Variants in MIS18BP1 observed in about 807,000 individuals in gnomAD.
MIS18BP1 encodes MIS18 binding protein 1, also known as mis18-binding protein 1.
MIS18BP1 carries 72 observed loss-of-function variants against 116.1 expected under a neutral mutation model. That is an observed-to-expected ratio of 0.62 (90% CI 0.51 to 0.75). The LOEUF (loss-of-function observed/expected upper bound fraction) is 0.75. Among genes scored for constraint, MIS18BP1 ranks in the 30% least tolerant of loss-of-function variants. MIS18BP1 has a pLI of 0.00. For missense variants in MIS18BP1, 1,363 were observed against 1,303.2 expected (o/e 1.05, Z -0.71); for synonymous variants, 386 against 427.0 (o/e 0.90, Z 1.18).
intron 13 of MIS18BP1, among the ~76,000 whole-genome samples, chr14:45,215,439 T>C (rs562178254): frequency 1.3e-4 from 20 of 152,344 alleles, no homozygotes; most frequent in African/African-American, 4.6e-4. Flanking sequence ...TAATTTTTTT[T>C]TCTCTTTTTG....
In MIS18BP1 at chr14:45,246,883, C is replaced by A. The variant is rs770048189; in HGVS notation, c.404G>T (p.Ser135Ile). 6 of 1,612,396 alleles carry A rather than the reference C, an allele frequency of 3.7e-6. No individual in the cohort carries two copies. The African/African-American group carries it at 6.7e-5, about 18-fold the overall frequency. The change falls in exon 2 of 17, where the codon AGT becomes ATT. Residue 135 changes from serine (S) to isoleucine (I), a missense_variant. Coordinates refer to ENST00000310806, the MANE Select transcript of MIS18BP1 (RefSeq NM_018353.5). ...TCCACTTTTCTGTGGTTCCAACAAACTACTGTTTCTTGATGGCTGTTCTTG... is the reference window on the plus strand; with the variant it reads ...TCCACTTTTCTGTGGTTCCAACAAAATACTGTTTCTTGATGGCTGTTCTTG... ...DKQEQPSRNS[S>I]LLEPQKSGNN...
At chr14:45,205,942 T>C (rs1241717132) in intron 15 of MIS18BP1, 141 bp downstream of exon 15, 4 of 565,414 alleles carry the variant, frequency 7.1e-6, no homozygotes, top group African/African-American at 5.8e-5. Context: ...TGTGCTTACC[T>C]CATTCATGGC....
chr14:45,234,292 T>C (rs1891365863), intron 6 of MIS18BP1, among the ~76,000 whole-genome samples: 1 of 151,966 alleles, frequency 6.6e-6, no homozygotes, highest in South Asian at 2.1e-4. Context: ...CTATATGAAT[T>C]GTTTTGCTAT....
At chr14:45,250,561 T>G (rs1450580890) in intron 1 of MIS18BP1, among the ~76,000 whole-genome samples, 2 of 152,218 alleles carry the variant, frequency 1.3e-5, no homozygotes, top group African/African-American at 4.8e-5. Flanking sequence ...AATTGTTAGT[T>G]CCTCTCAGAC....
At position 45,203,566 on chromosome 14, in the gene MIS18BP1, A is replaced by ACAAT. The variant is rs1205679742; in HGVS notation, c.*539_*542dup. On this transcript the variant is annotated 3_prime_UTR_variant, in exon 17 of 17. Coordinates refer to ENST00000310806, the MANE Select transcript of MIS18BP1 (RefSeq NM_018353.5). ...TGCCTATCACAAGTTTAAAATAAAAACAATCAGGAGAGAAGCATGTCAACA... is the reference window on the plus strand; with the variant it reads ...TGCCTATCACAAGTTTAAAATAAAAACAATCAATCAGGAGAGAAGCATGTCAACA... The ACAAT allele has an allele frequency of 3.9e-5, 6 of 152,182 alleles. No homozygotes were observed. The highest frequency in any genetic ancestry group is 2.1e-4 in the South Asian group (1 of 4,838). The allele number at this position is 152,182 out of a possible 1,614,324, so 9.4% of individuals were successfully genotyped here. A position where few individuals can be genotyped will look rare whatever the true frequency, so the allele number is the denominator to read the frequency against.
intron 5 of MIS18BP1, among the ~76,000 whole-genome samples, 189 bp from the exon 6 acceptor site, chr14:45,236,133 A>G (rs1384948869): frequency 5.3e-5 from 8 of 152,224 alleles, no homozygotes; most frequent in African/African-American, 9.7e-5. Context: ...ATGTACCAAA[A>G]AAACTATACT....
intron 7 of MIS18BP1, chr14:45,232,507 A>G: frequency 2.3e-6 from 1 of 440,480 alleles, no homozygotes; most frequent in Non-Finnish European, 4.1e-6. Flanking sequence ...TGTAAATTGT[A>G]CCTCAGGCCA....
At chr14:45,222,582 G>C (rs989927389) in intron 11 of MIS18BP1, among the ~76,000 whole-genome samples, 7 of 152,162 alleles carry the variant, frequency 4.6e-5, no homozygotes, top group African/African-American at 1.7e-4. Context: ...GCTCTGCAGT[G>C]CTGTTAGGAT....
intron 11 of MIS18BP1, among the ~76,000 whole-genome samples, chr14:45,221,628 G>A (rs894096644): frequency 2.0e-5 from 3 of 152,032 alleles, no homozygotes; most frequent in Middle Eastern, 3.2e-3. Flanking sequence ...TGCTTTGTAT[G>A]ATTTCAGCTA....
chr14:45,212,932 G>T (rs1890714913), intron 13 of MIS18BP1, among the ~76,000 whole-genome samples: 1 of 152,212 alleles, frequency 6.6e-6, no homozygotes, highest in South Asian at 2.1e-4. Context: ...GCCCTCTTCT[G>T]AGAGTACTTT....
intron 2 of MIS18BP1, 45 bp from the exon 3 acceptor site, chr14:45,242,919 G>C (rs767575463): frequency 2.3e-6 from 3 of 1,300,616 alleles, no homozygotes; most frequent in East Asian, 4.6e-5. Context: ...AATTGTATTA[G>C]TCACTAAGAA....
In MIS18BP1 at chr14:45,218,407, A is replaced by G; in HGVS notation, c.2717T>C (p.Val906Ala). The G allele has an allele frequency of 6.2e-7, 1 of 1,613,226 alleles. No individual in the cohort carries two copies. Among genetic ancestry groups the G allele is most frequent in the South Asian group, 1.1e-5 (1 of 90,864 alleles). ...AGATCGAGAACCTACAGCCGCAGCT[A>G]CCTCTGACCAGAAACCAGGTTTGTG... is the stretch of plus-strand genomic sequence containing the variant. Reference protein sequence around the residue: ...PKHKPGFWSEVAAAVGSRSPE... With the variant: ...PKHKPGFWSEAAAAVGSRSPE... The change falls in exon 12 of 17, where the codon GTA becomes GCA. Residue 906 changes from valine to alanine, a missense_variant. Val to Ala is a moderately conservative substitution (Grantham distance 64). Transcript: ENST00000310806.
At chr14:45,232,171 C>T (rs1464263004) in intron 7 of MIS18BP1, among the ~76,000 whole-genome samples, 1 of 152,090 alleles carries the variant, frequency 6.6e-6, no homozygotes, top group East Asian at 1.9e-4. Flanking sequence ...AATCCCAGCA[C>T]TTTGGGAGGC....
At chr14:45,251,376 T>C (rs1891869913) in intron 1 of MIS18BP1, among the ~76,000 whole-genome samples, 1 of 152,176 alleles carries the variant, frequency 6.6e-6, no homozygotes, top group Non-Finnish European at 1.5e-5. Flanking sequence ...TCTCAGAACG[T>C]ATCCCAGTCA....
chr14:45,247,365 G>A lies in MIS18BP1; in HGVS notation c.-79C>T. 7 of 1,228,322 alleles carry A rather than the reference G, an allele frequency of 5.7e-6. No homozygotes were observed. The highest frequency in any genetic ancestry group is 7.8e-6 in the Non-Finnish European group (7 of 896,976). The allele number at this position is 1,228,322 out of a possible 1,614,324, so 76.1% of individuals were successfully genotyped here. A position where few individuals can be genotyped will look rare whatever the true frequency, so the allele number is the denominator to read the frequency against. ...AATTTTCAGATAGAACTTCAGAAGG[G>A]ATCCACAGAAACCTGTAGTTCAACG... is the stretch of plus-strand genomic sequence containing the variant. On this transcript the variant is annotated 5_prime_UTR_variant, in exon 2 of 17. Coordinates refer to ENST00000310806, the MANE Select transcript of MIS18BP1 (RefSeq NM_018353.5).
rs1890438413 is a variant in MIS18BP1 at position 45,204,008 on chromosome 14, T to A, written c.*101A>T. The A allele has an allele frequency of 6.8e-7, 1 of 1,465,900 alleles. No homozygotes were observed. The highest frequency in any genetic ancestry group is 1.4e-5 in the South Asian group (1 of 71,040). The allele number at this position is 1,465,900 out of a possible 1,614,324, so 90.8% of individuals were successfully genotyped here. ...ACCTTCAAAAAAGTCCACATTTTCA[T>A]AGGAAGCTACTTTACAAAGAAAATA... On this transcript the variant is annotated 3_prime_UTR_variant, in exon 17 of 17. Transcript: ENST00000310806.
chr14:45,247,152 C>T lies in MIS18BP1; in HGVS notation c.135G>A (p.Leu45=), dbSNP rs756754583. 6.2e-7 allele frequency: 1 copy of T among 1,612,828 alleles called. No individual in the cohort carries two copies. Among genetic ancestry groups the T allele is most frequent in the South Asian group, 1.1e-5 (1 of 91,026 alleles). Residue 45 remains leucine (L), a synonymous_variant, in exon 2 of 17, where the codon TTG becomes TTA. Coordinates refer to ENST00000310806, the MANE Select transcript of MIS18BP1 (RefSeq NM_018353.5). ...TTAAGGAGGAGTTCTGATATTTCAC[C>T]AAATCTTTTACAGGAGTAAGTGTGC... is the stretch of plus-strand genomic sequence containing the variant. The part of the protein sequence containing the change: ...PSGTLTPVKD[L]VKYQNSSLKL...
chr14:45,215,756 G>A (rs1890800032), intron 13 of MIS18BP1, among the ~76,000 whole-genome samples: 1 of 146,360 alleles, frequency 6.8e-6, no homozygotes, highest in Non-Finnish European at 1.5e-5. Context: ...CCAGGCTGGA[G>A]TGCTGTGGCA....
At chr14:45,251,111 C>T (rs187300339) in intron 1 of MIS18BP1, among the ~76,000 whole-genome samples, 1 of 150,694 alleles carries the variant, frequency 6.6e-6, no homozygotes, top group Admixed American at 6.6e-5. Context: ...TGACATCAAA[C>T]CACATACACA....
Sources: allele counts gnomAD v4.1 joint callset (sites outside exome capture counted in the v4.1 genomes callset), GRCh38; gene constraint gnomAD v4.1.1; transcripts MANE v1.5; gene names NCBI Gene and HGNC (gene_info 2026-07-23, HGNC 2026-07-21).